The following SLCO2A1 variants were observed in gnomAD, a reference collection of about 807,000 sequenced individuals.
The protein encoded by SLCO2A1 is solute carrier organic anion transporter family member 2A1.
SLCO2A1 carries 60 observed loss-of-function variants against 71.7 expected under a neutral mutation model. The observed-to-expected ratio is 0.84, with a 90% confidence interval of 0.68 to 1.04. SLCO2A1 has a LOEUF of 1.04. SLCO2A1 is among the 50% of genes least tolerant of loss of function. The pLI, the probability that SLCO2A1 is intolerant of heterozygous loss-of-function variation, is 0.00. For missense variants in SLCO2A1, 745 were observed against 813.4 expected, an observed-to-expected ratio of 0.92 and a Z score of 1.02; for synonymous variants, 308 against 326.7, an observed-to-expected ratio of 0.94 and a Z score of 0.62.
intron 1 of SLCO2A1, among the ~76,000 whole-genome samples, chr3:133,994,111 T>C (rs1934909853): frequency 6.6e-6 from 1 of 152,210 alleles, no homozygotes; most frequent in Non-Finnish European, 1.5e-5. Context: ...AACTCATTGA[T>C]TTACTTATTT....
At chr3:133,955,478 C>A in intron 3 of SLCO2A1, 1 of 440,178 alleles carries the variant, frequency 2.3e-6, no homozygotes. Context: ...AGTGTCCATG[C>A]CTTCTCCTCC....
chr3:133,980,013 C>T (rs1306872355), intron 1 of SLCO2A1, among the ~76,000 whole-genome samples: 1 of 152,138 alleles, frequency 6.6e-6, no homozygotes, highest in Admixed American at 6.5e-5. Context: ...TCCTCCTGTG[C>T]CCTGTGAGGG....
rs1576430800 is a variant in SLCO2A1, at chr3:133,951,312, A to G, written c.757T>C (p.Trp253Arg). 5.0e-6 allele frequency: 8 copies of G among 1,614,034 alleles called. No individual in the cohort carries two copies. Among genetic ancestry groups the G allele is most frequent in the African/African-American group, 1.3e-5 (1 of 74,938 alleles). The change falls in exon 6 of 14, where the codon TGG (tryptophan) becomes CGG (arginine). Residue 253 changes from tryptophan to arginine, a missense_variant. Transcript: ENST00000310926. Reference sequence around the variant, plus strand: ...AGGCCTAGCCACCAGGCTCCAATCCATCGGGGGTCACCCGGGACCAAGTTA... The same window carrying G: ...AGGCCTAGCCACCAGGCTCCAATCCGTCGGGGGTCACCCGGGACCAAGTTA... ...AVNLVPGDPR[W>R]IGAWWLGLLI...
At chr3:133,981,758 T>C (rs1043309980) in intron 1 of SLCO2A1, among the ~76,000 whole-genome samples, 2 of 152,078 alleles carry the variant, frequency 1.3e-5, no homozygotes, top group African/African-American at 4.8e-5. Context: ...AGGCGGATCA[T>C]GAGGTCAGGA....
chr3:133,944,901 A>G (rs77357000), intron 10 of SLCO2A1, among the ~76,000 whole-genome samples, 194 bp downstream of exon 10: 7,006 of 152,298 alleles, frequency 0.046, 543 homozygotes, highest in African/African-American at 0.16. Context: ...GTGGGCTGTC[A>G]GCATCTGGTC....
intron 4 of SLCO2A1, 37 bp downstream of exon 4, chr3:133,954,929 A>G: frequency 1.3e-6 from 2 of 1,557,190 alleles, no homozygotes; most frequent in African/African-American, 2.7e-5. Context: ...TCAGGACCTC[A>G]CCCCTCCCCA....
chr3:133,948,842 A>AG, intron 7 of SLCO2A1, 51 bp downstream of exon 7: 1 of 1,599,390 alleles, frequency 6.3e-7, no homozygotes, highest in Non-Finnish European at 8.6e-7. Flanking sequence ...CCTGGCCACT[A>AG]TCCCCTCCCC....
At chr3:134,009,109 C>G (rs1353720741) in intron 1 of SLCO2A1, among the ~76,000 whole-genome samples, 1 of 152,186 alleles carries the variant, frequency 6.6e-6, no homozygotes, top group African/African-American at 2.4e-5. Context: ...TGGGGCATGA[C>G]CACAGACTGT....
chr3:133,944,976 A>T, intron 10 of SLCO2A1, 119 bp downstream of exon 10: 1 of 1,133,318 alleles, frequency 8.8e-7, no homozygotes, highest in Non-Finnish European at 1.3e-6. Context: ...GGATGCTGGT[A>T]ATGAGTGTGT....
At chr3:134,010,926 T>G (rs986613076) in intron 1 of SLCO2A1, among the ~76,000 whole-genome samples, 1 of 152,114 alleles carries the variant, frequency 6.6e-6, no homozygotes, top group African/African-American at 2.4e-5. Context: ...TCAAACCATA[T>G]CAGGTGGGAA....
intron 9 of SLCO2A1, among the ~76,000 whole-genome samples, chr3:133,945,573 C>A (rs1162380552): frequency 1.3e-5 from 2 of 152,214 alleles, no homozygotes; most frequent in Non-Finnish European, 1.5e-5. Context: ...CCAGAAAGGG[C>A]AGCTGCAATG....
chr3:134,023,140 AC>A (rs1397914975), intron 1 of SLCO2A1, among the ~76,000 whole-genome samples: 34 of 151,968 alleles, frequency 2.2e-4, no homozygotes, highest in African/African-American at 8.0e-4. Context: ...AAACAAACAA[AC>A]AAACAAACAA....
At chr3:133,954,630 G>A (rs1933836098) in intron 4 of SLCO2A1, among the ~76,000 whole-genome samples, 1 of 152,192 alleles carries the variant, frequency 6.6e-6, no homozygotes, top group Non-Finnish European at 1.5e-5. Context: ...AGTAGGTGCT[G>A]TTGGTTTAGG....
chr3:133,980,213 T>C lies in SLCO2A1; in HGVS notation c.97-595A>G, dbSNP rs565984047. ...TGGTTTGAATGAATGTTCCCATCCA[T>C]GTCCTCATCTCTTACCAGGACTATC... is the stretch of plus-strand genomic sequence containing the variant. On this transcript the variant is annotated intron_variant, in intron 1 of 13. Transcript: ENST00000310926. Among the ~76,000 whole-genome samples the C allele has an allele frequency of 7.4e-4, 112 of 152,368 alleles. 2 individuals are homozygous for C. In the South Asian group the frequency reaches 0.022, roughly 30 times the overall value.
intron 2 of SLCO2A1, among the ~76,000 whole-genome samples, chr3:133,974,742 CTGACCACGTCTCCACCAAAGA>C (rs1030922985): frequency 3.3e-5 from 5 of 152,162 alleles, no homozygotes; most frequent in African/African-American, 4.8e-5. Context: ...GCCAGGCCTT[CTGACCACGTCTCCACCAAAGA>C]TGGTCCTCTC....
At chr3:134,029,526 TCACA>T (rs145400837) in intron 1 of SLCO2A1, among the ~76,000 whole-genome samples, 177 bp downstream of exon 1, 25 of 149,096 alleles carry the variant, frequency 1.7e-4, no homozygotes, top group Non-Finnish European at 3.1e-4. Flanking sequence ...ACACACACGC[TCACA>T]CACACACTCG....
At chr3:134,029,432 T>C (rs1935772099) in intron 1 of SLCO2A1, among the ~76,000 whole-genome samples, 1 of 152,002 alleles carries the variant, frequency 6.6e-6, no homozygotes, top group African/African-American at 2.4e-5. Context: ...GGTAAGCAGG[T>C]ACTTCCACTG....
intron 3 of SLCO2A1, among the ~76,000 whole-genome samples, chr3:133,959,957 A>G (rs1371176266): frequency 1.3e-5 from 2 of 151,864 alleles, no homozygotes; most frequent in East Asian, 3.9e-4. Context: ...TGTCTCCACT[A>G]AAAATACAAA....
intron 1 of SLCO2A1, among the ~76,000 whole-genome samples, chr3:134,003,410 C>T (rs747817915): frequency 2.0e-5 from 3 of 152,166 alleles, no homozygotes; most frequent in Admixed American, 6.5e-5. Context: ...ATACGCTGGG[C>T]GTCTGATCTT....
Sources: allele counts gnomAD v4.1 joint callset (sites outside exome capture counted in the v4.1 genomes callset), GRCh38; gene constraint gnomAD v4.1.1; transcripts MANE v1.5; gene names NCBI Gene and HGNC (gene_info 2026-07-23, HGNC 2026-07-21).